The following CNOT4 variants were observed in gnomAD, a reference collection of about 807,000 sequenced individuals.
CNOT4 encodes CCR4-NOT transcription complex subunit 4.
Under a neutral mutation model 73.8 loss-of-function variants are expected in CNOT4, and 8 were observed. The observed-to-expected ratio is 0.11, with a 90% CI of 0.06 to 0.20. The LOEUF is 0.20. Ranked by LOEUF, CNOT4 falls within the 10% of genes least tolerant of loss-of-function variation. CNOT4 has a pLI of 1.00. For synonymous variants in CNOT4, 293 were observed against 321.1 expected (o/e 0.91, Z 0.94); for missense variants, 564 against 883.4 (o/e 0.64, Z 4.58).
intron 1 of CNOT4, among the ~76,000 whole-genome samples, chr7:135,442,791 C>T (rs1368130894): frequency 6.6e-6 from 1 of 151,838 alleles, no homozygotes; most frequent in Non-Finnish European, 1.5e-5. Flanking sequence ...TAAACAGTGG[C>T]TTACACCTGT....
At chr7:135,422,468 T>C (rs1054630083) in intron 2 of CNOT4, 115 bp from the exon 3 acceptor site, 215 of 607,498 alleles carry the variant, frequency 3.5e-4, no homozygotes, top group Non-Finnish European at 5.1e-4. Context: ...TCTCCCTTTA[T>C]TAGAATGTTT....
At chr7:135,444,629 C>CTTGG in intron 1 of CNOT4, 1 of 1,223,858 alleles carries the variant, frequency 8.2e-7, no homozygotes, top group Non-Finnish European at 1.2e-6. Context: ...ATTCTGGTTC[C>CTTGG]AAGGCTGCAT....
intron 1 of CNOT4, among the ~76,000 whole-genome samples, chr7:135,465,578 G>T (rs976109199): frequency 6.6e-6 from 1 of 152,154 alleles, no homozygotes; most frequent in Non-Finnish European, 1.5e-5. Context: ...AGCAGCCTCA[G>T]GCGGGTCCTT....
Position 135,397,898 on chromosome 7 carries a change from GGC to G in CNOT4, c.879+269_879+270del, listed in dbSNP as rs1157831651. The stretch of plus-strand genomic sequence containing the variant: ...AAGGCATGCTAGCCTGGGACCATTT[GGC>G]ACAGGGTCAAAAAGACCAATAACAT... On this transcript the variant is annotated intron_variant, in intron 8 of 11. Coordinates refer to ENST00000541284, the MANE Select transcript of CNOT4 (RefSeq NM_001190850.2). 2.0e-5 allele frequency among the ~76,000 whole-genome samples: 3 copies of G among 152,116 alleles called. No homozygotes were observed. In the East Asian group the frequency reaches 5.8e-4, roughly 29 times the overall value.
chr7:135,453,826 T>TTATATATATA (rs55732572), intron 1 of CNOT4, among the ~76,000 whole-genome samples: 2,198 of 89,774 alleles, frequency 0.024, 43 homozygotes, highest in Middle Eastern at 0.048. Flanking sequence ...TATATATATT[T>TTATATATATA]TATATATATA....
intron 1 of CNOT4, among the ~76,000 whole-genome samples, chr7:135,502,082 G>A (rs1249562628): frequency 6.6e-6 from 1 of 152,140 alleles, no homozygotes; most frequent in Non-Finnish European, 1.5e-5. Context: ...GACATAGCAT[G>A]ACGGCCCTGC....
chr7:135,443,874 C>T (rs981644222), intron 1 of CNOT4, among the ~76,000 whole-genome samples: 18 of 152,120 alleles, frequency 1.2e-4, no homozygotes, highest in Non-Finnish European at 1.0e-4. Context: ...AGAGGCTGGA[C>T]ACAATGGCTC....
intron 2 of CNOT4, among the ~76,000 whole-genome samples, chr7:135,424,485 A>G (rs1485140552): frequency 6.6e-6 from 1 of 152,150 alleles, no homozygotes; most frequent in African/African-American, 2.4e-5. Context: ...TGAAGTGTTT[A>G]CAATTAAGTT....
intron 1 of CNOT4, among the ~76,000 whole-genome samples, chr7:135,498,525 G>C (rs1172666930): frequency 6.6e-6 from 1 of 152,078 alleles, no homozygotes; most frequent in Non-Finnish European, 1.5e-5. Flanking sequence ...AAATAGATTT[G>C]AATACAATCT....
At chr7:135,504,677 G>A (rs574102911) in intron 1 of CNOT4, among the ~76,000 whole-genome samples, 1 of 119,012 alleles carries the variant, frequency 8.4e-6, no homozygotes, top group Non-Finnish European at 1.8e-5. Context: ...TAGTAGAGAC[G>A]GGGTTTCACC....
chr7:135,418,073 A>G (rs1287844158), intron 3 of CNOT4, among the ~76,000 whole-genome samples: 1 of 152,214 alleles, frequency 6.6e-6, no homozygotes, highest in Non-Finnish European at 1.5e-5. Context: ...CAGGTACTCA[A>G]TAAATGCTTA....
intron 1 of CNOT4, among the ~76,000 whole-genome samples, chr7:135,473,581 T>A (rs1801784251): frequency 6.6e-6 from 1 of 152,022 alleles, no homozygotes. Context: ...ATCCTGTGTC[T>A]ACAAAAAATA....
At chr7:135,484,754 C>CA (rs775810753) in intron 1 of CNOT4, among the ~76,000 whole-genome samples, 1,187 of 77,702 alleles carry the variant, frequency 0.015, 14 homozygotes, top group African/African-American at 0.036. Context: ...GACTCTGTCT[C>CA]AAAAAAAAAA....
chr7:135,373,624 C>CTGGA (rs1189816106), intron 10 of CNOT4, among the ~76,000 whole-genome samples: 2 of 152,130 alleles, frequency 1.3e-5, no homozygotes, highest in Non-Finnish European at 2.9e-5. Context: ...GTCACCTAGG[C>CTGGA]TGGAGTGCAA....
intron 10 of CNOT4, among the ~76,000 whole-genome samples, chr7:135,393,258 CTTACA>C (rs1303226804): frequency 3.3e-5 from 5 of 152,160 alleles, no homozygotes; most frequent in Admixed American, 6.5e-5. Context: ...TGGCATCAAA[CTTACA>C]TTACCTTATA....
At chr7:135,429,931 C>A (rs1408976969) in intron 2 of CNOT4, among the ~76,000 whole-genome samples, 2 of 152,152 alleles carry the variant, frequency 1.3e-5, no homozygotes, top group African/African-American at 4.8e-5. Context: ...TTAGAAGAGG[C>A]TGAGACAACT....
intron 1 of CNOT4, among the ~76,000 whole-genome samples, chr7:135,447,654 A>G (rs1025111619): frequency 2.0e-5 from 3 of 152,244 alleles, no homozygotes; most frequent in African/African-American, 7.2e-5. Flanking sequence ...TCTCTTCCCA[A>G]TGGAACTGAC....
At chr7:135,448,258 G>T (rs935838964) in intron 1 of CNOT4, among the ~76,000 whole-genome samples, 1 of 152,100 alleles carries the variant, frequency 6.6e-6, no homozygotes, top group Non-Finnish European at 1.5e-5. Context: ...AAAGAAATAG[G>T]AAAGTGCTGA....
chr7:135,465,704 C>T (rs902877596), intron 1 of CNOT4, among the ~76,000 whole-genome samples: 2 of 149,746 alleles, frequency 1.3e-5, no homozygotes, highest in Non-Finnish European at 3.0e-5. Flanking sequence ...TAGGTGTGGG[C>T]GAATGTAAGC....
Sources: gnomAD v4.1 joint callset for allele counts (sites outside exome capture counted in the v4.1 genomes callset) on GRCh38, gnomAD v4.1.1 for gene constraint, MANE v1.5 for transcripts, NCBI Gene and HGNC (gene_info 2026-07-23, HGNC 2026-07-21) for gene names.